Variants in FAT3 observed in about 807,000 individuals in gnomAD.
The protein encoded by FAT3 is protocadherin Fat 3.
A neutral mutation model predicts 310.2 loss-of-function variants in FAT3; 95 were observed. That is an observed-to-expected ratio of 0.31 (90% CI 0.26 to 0.36). The LOEUF is 0.36. Among genes scored for constraint, FAT3 ranks in the 10% least tolerant of loss-of-function variants. The pLI is 1.00. For synonymous variants in FAT3, 2,314 were observed against 2,192.9 expected (o/e 1.06, Z -1.54); for missense variants, 5,408 against 5,715.6 (o/e 0.95, Z 1.74).
intron 3 of FAT3, among the ~76,000 whole-genome samples, chr11:92,578,848 A>G (rs1432205480): frequency 6.6e-6 from 1 of 151,946 alleles, no homozygotes; most frequent in Non-Finnish European, 1.5e-5. Context: ...GCAAAATAAC[A>G]TTTTCCCCCA....
At chr11:92,502,745 C>T (rs1952979390) in intron 2 of FAT3, among the ~76,000 whole-genome samples, 1 of 151,988 alleles carries the variant, frequency 6.6e-6, no homozygotes, top group Non-Finnish European at 1.5e-5. Context: ...TGGCCTTTCA[C>T]CCAGACCAAA....
intron 3 of FAT3, among the ~76,000 whole-genome samples, chr11:92,592,862 A>G (rs957841327): frequency 1.3e-5 from 2 of 152,106 alleles, no homozygotes; most frequent in African/African-American, 4.8e-5. Context: ...AACCATTTTA[A>G]GTATAAAATT....
chr11:92,785,100 G>A (rs1946853978), intron 7 of FAT3, among the ~76,000 whole-genome samples: 1 of 152,036 alleles, frequency 6.6e-6, no homozygotes. Flanking sequence ...ATGTCCAGCT[G>A]ACTCTGAATG....
At chr11:92,225,975 C>G (rs1009952713) in intron 1 of FAT3, among the ~76,000 whole-genome samples, 1 of 149,262 alleles carries the variant, frequency 6.7e-6, no homozygotes. Flanking sequence ...TGACCATCCC[C>G]AGGAGTGCGG....
At chr11:92,881,139 T>C (rs1949662541) in intron 23 of FAT3, among the ~76,000 whole-genome samples, 1 of 152,234 alleles carries the variant, frequency 6.6e-6, no homozygotes, top group South Asian at 2.1e-4. Context: ...ATGATTACTA[T>C]GTAGTCTGTA....
At chr11:92,629,251 T>C (rs776561340) in intron 3 of FAT3, among the ~76,000 whole-genome samples, 3 of 152,146 alleles carry the variant, frequency 2.0e-5, no homozygotes, top group Non-Finnish European at 2.9e-5. Context: ...ATTCAGTTAC[T>C]CATAACTAAG....
At chr11:92,518,440 T>A (rs922154551) in intron 2 of FAT3, among the ~76,000 whole-genome samples, 1 of 152,022 alleles carries the variant, frequency 6.6e-6, no homozygotes, top group African/African-American at 2.4e-5. Flanking sequence ...ACGTTCTCAC[T>A]CATAAGTGGG....
At chr11:92,691,968 G>A (rs1001437384) in intron 3 of FAT3, among the ~76,000 whole-genome samples, 3 of 152,032 alleles carry the variant, frequency 2.0e-5, no homozygotes, top group African/African-American at 7.3e-5. Flanking sequence ...CACATATTCA[G>A]TACTCAATAA....
intron 2 of FAT3, among the ~76,000 whole-genome samples, chr11:92,373,838 G>A (rs1012968511): frequency 6.6e-6 from 1 of 150,550 alleles, no homozygotes; most frequent in Non-Finnish European, 1.5e-5. Context: ...GGATATAGAT[G>A]TATGAGAGGA....
chr11:92,665,416 G>A (rs1333758341), intron 3 of FAT3, among the ~76,000 whole-genome samples: 1 of 152,102 alleles, frequency 6.6e-6, no homozygotes, highest in East Asian at 1.9e-4. Context: ...TTGACAGCAA[G>A]GTTTCTCTTT....
intron 12 of FAT3, 111 bp downstream of exon 12, chr11:92,806,626 G>A (rs2136203850): frequency 1.1e-6 from 1 of 887,054 alleles, no homozygotes; most frequent in Non-Finnish European, 1.6e-6. Context: ...ACTCTTATAG[G>A]GATGGAGGGA....
intron 2 of FAT3, among the ~76,000 whole-genome samples, chr11:92,426,132 C>T (rs143269302): frequency 6.6e-6 from 1 of 152,132 alleles, no homozygotes; most frequent in Non-Finnish European, 1.5e-5. Context: ...CTCTAATGAC[C>T]AGTGATGATG....
chr11:92,248,404 A>G (rs1865012234), intron 1 of FAT3, among the ~76,000 whole-genome samples: 2 of 152,138 alleles, frequency 1.3e-5, no homozygotes, highest in Non-Finnish European at 2.9e-5. Context: ...TGGAATTGCC[A>G]AAAGAAAGAT....
Position 92,844,264 on chromosome 11 carries a change from G to A in FAT3, c.10897G>A (p.Val3633Met), listed in dbSNP as rs1948626659. 1.2e-6 allele frequency: 2 copies of A among 1,614,022 alleles called. No homozygotes were observed. The highest frequency in any genetic ancestry group is 1.7e-6 in the Non-Finnish European group (2 of 1,179,908). Residue 3633 changes from valine (V) to methionine (M), a missense_variant, in exon 19 of 28, where the codon GTG becomes ATG. Physicochemically the swap from Val to Met is conservative, Grantham distance 21. This residue lies in a region of FAT3 where 4,588 missense variants were observed against 4,809.8 expected (regional missense o/e 0.95). Transcript: ENST00000525166. Reference protein sequence around the residue: ...SDGRFQVPIDVVVHVEQLVHE... With the variant: ...SDGRFQVPIDMVVHVEQLVHE... ...TGGTCGCTTCCAGGTACCCATTGATGTGGTCGTGCATGTGGAGCAGTTGGT... is the reference window on the plus strand; with the variant it reads ...TGGTCGCTTCCAGGTACCCATTGATATGGTCGTGCATGTGGAGCAGTTGGT...
At position 92,840,708 on chromosome 11, in the gene FAT3, G is replaced by A. The variant is rs755376711; in HGVS notation, c.10515G>A (p.Ser3505=). Residue 3505 remains serine (S), a synonymous_variant, in exon 18 of 28, where the codon TCG becomes TCA. Coordinates refer to ENST00000525166, the MANE Select transcript of FAT3 (RefSeq NM_001367949.2). ...TGGACCCTCATGGGATCTTGCGGTC[G>A]GCTGTGGTCTTCCAGCACACAGAGT... ...FVLDPHGILR[S]AVVFQHTESL... is the part of the protein sequence containing the mutation. The A allele has an allele frequency of 1.7e-5, 27 of 1,607,670 alleles. No individual in the cohort carries two copies. The highest frequency in any genetic ancestry group is 8.3e-5 in the Admixed American group (5 of 59,924).
At chr11:92,773,001 C>T (rs756611444) in intron 6 of FAT3, among the ~76,000 whole-genome samples, 1 of 151,962 alleles carries the variant, frequency 6.6e-6, no homozygotes, top group African/African-American at 2.4e-5. Context: ...AATACATTGC[C>T]CTATATGCTG....
At chr11:92,711,799 A>G (rs2135949552) in intron 4 of FAT3, among the ~76,000 whole-genome samples, 1 of 152,320 alleles carries the variant, frequency 6.6e-6, no homozygotes, top group Non-Finnish European at 1.5e-5. Flanking sequence ...AGACATCTAA[A>G]CAGGTTACCC....
At chr11:92,755,713 C>G (rs1237122361) in intron 4 of FAT3, among the ~76,000 whole-genome samples, 1 of 152,136 alleles carries the variant, frequency 6.6e-6, no homozygotes, top group Admixed American at 6.5e-5. Flanking sequence ...TTGAATCTAT[C>G]AAACCACAAA....
At chr11:92,491,951 G>A (rs1952611729) in intron 2 of FAT3, among the ~76,000 whole-genome samples, 1 of 151,966 alleles carries the variant, frequency 6.6e-6, no homozygotes, top group Non-Finnish European at 1.5e-5. Flanking sequence ...TAGCTTTTTT[G>A]TATCCACAGC....
Sources: allele counts gnomAD v4.1 joint callset (sites outside exome capture counted in the v4.1 genomes callset), GRCh38; gene constraint gnomAD v4.1.1; regional missense constraint gnomAD v4.1.1; transcripts MANE v1.5; gene names NCBI Gene and HGNC (gene_info 2026-07-23, HGNC 2026-07-21).